WARS2: variants seen among roughly 807,000 people sequenced by gnomAD.
WARS2 encodes the protein tryptophanyl tRNA synthetase 2, mitochondrial.
WARS2 carries 28 observed loss-of-function variants against 36.5 expected under a neutral mutation model. The ratio of observed to expected loss-of-function variants is 0.77; its 90% CI spans 0.57 to 1.05. The LOEUF is 1.05. Among genes scored for constraint, WARS2 ranks in the 50% least tolerant of loss-of-function variants. WARS2 has a pLI of 0.00. For missense variants in WARS2, 435 were observed against 456.8 expected, an observed-to-expected ratio of 0.95 and a Z score of 0.44; for synonymous variants, 174 against 178.4, an observed-to-expected ratio of 0.98 and a Z score of 0.20.
chr1:119,105,783 C>T (rs982508414), intron 1 of WARS2, among the ~76,000 whole-genome samples: 9 of 152,014 alleles, frequency 5.9e-5, no homozygotes, highest in African/African-American at 1.5e-4. Flanking sequence ...TGGTAATGCG[C>T]GCTTGTAATC....
intron 1 of WARS2, chr1:119,126,612 G>C: frequency 1.5e-6 from 1 of 683,938 alleles, no homozygotes; most frequent in South Asian, 1.4e-5. Flanking sequence ...GTCCCCAGTG[G>C]CTTTTCCAAA....
chr1:119,083,716 G>A (rs759874088), intron 1 of WARS2, among the ~76,000 whole-genome samples: 14 of 152,146 alleles, frequency 9.2e-5, no homozygotes, highest in African/African-American at 3.1e-4. Flanking sequence ...AAGGTTATAC[G>A]TAAGTAAAGA....
intron 1 of WARS2, chr1:119,085,187 T>C (rs1431148259): frequency 1.2e-6 from 1 of 810,534 alleles, no homozygotes; most frequent in Non-Finnish European, 2.2e-6. Flanking sequence ...TCTTTTCTTC[T>C]CTTGCCTCCC....
chr1:119,050,295 C>T (rs1230508709), intron 2 of WARS2, among the ~76,000 whole-genome samples: 1 of 152,186 alleles, frequency 6.6e-6, no homozygotes, highest in Non-Finnish European at 1.5e-5. Flanking sequence ...TATCATCTTA[C>T]CAAGGAGGCT....
intron 1 of WARS2, among the ~76,000 whole-genome samples, chr1:119,115,548 G>A (rs182845962): frequency 8.9e-4 from 136 of 152,234 alleles, no homozygotes; most frequent in Middle Eastern, 3.4e-3. Context: ...GTATCCAGAT[G>A]GCAAATGGAA....
chr1:119,052,072 T>C (rs1649413212), intron 2 of WARS2, among the ~76,000 whole-genome samples: 1 of 152,114 alleles, frequency 6.6e-6, no homozygotes, highest in Middle Eastern at 3.2e-3. Context: ...TGCTGTATTT[T>C]TAAAGATTTG....
rs897906035 is a variant in WARS2 at position 119,066,390 on chromosome 1, A to G, written c.348+9960T>C. On this transcript the variant is annotated intron_variant, in intron 2 of 5. Coordinates refer to ENST00000235521, the MANE Select transcript of WARS2 (RefSeq NM_015836.4). ...CTACTCGGGAGGCCGAGGCAGGAGA[A>G]TGGCGTGAACCTGGGAGGCAGAGCT... 2.7e-5 allele frequency among the ~76,000 whole-genome samples: 4 copies of G among 148,898 alleles called. No homozygotes were observed. The South Asian group carries it at 9.2e-4, about 34-fold the overall frequency.
At chr1:119,066,510 A>G (rs1650886772) in intron 2 of WARS2, among the ~76,000 whole-genome samples, 1 of 151,542 alleles carries the variant, frequency 6.6e-6, no homozygotes. Context: ...GACAAGCTAC[A>G]AACTGAAAAA....
chr1:119,121,196 T>C (rs1417510107), intron 1 of WARS2, among the ~76,000 whole-genome samples: 1 of 152,054 alleles, frequency 6.6e-6, no homozygotes, highest in Admixed American at 6.6e-5. Flanking sequence ...TTCTGTAAAG[T>C]TTCAGATACA....
At chr1:119,045,930 T>C (rs950042029) in intron 2 of WARS2, among the ~76,000 whole-genome samples, 1 of 152,152 alleles carries the variant, frequency 6.6e-6, no homozygotes, top group African/African-American at 2.4e-5. Flanking sequence ...ACATCTTCAG[T>C]GAGAAAGTTT....
chr1:119,047,708 T>C (rs1190796231), intron 2 of WARS2, among the ~76,000 whole-genome samples: 5 of 152,190 alleles, frequency 3.3e-5, no homozygotes, highest in East Asian at 1.9e-4. Context: ...GGTTCAGAGT[T>C]CCACTTGGGA....
chr1:119,132,664 T>C (rs1033887491), intron 1 of WARS2, among the ~76,000 whole-genome samples: 11 of 152,134 alleles, frequency 7.2e-5, no homozygotes, highest in African/African-American at 2.4e-4. Context: ...GCTTTATTCA[T>C]ATAATAAAGT....
At chr1:119,033,570 A>G (rs139438517) in intron 5 of WARS2, among the ~76,000 whole-genome samples, 73 of 152,356 alleles carry the variant, frequency 4.8e-4, no homozygotes, top group South Asian at 1.4e-3. Flanking sequence ...ATAGTATTCA[A>G]TAAATTACAT....
rs533319966 is a variant in WARS2, at chr1:119,045,484, G to C, written c.429+98C>G. On this transcript the variant is annotated intron_variant, in intron 3 of 5. Transcript: ENST00000235521. Reference sequence around the variant, plus strand: ...ATGATGTTCCAACCATTAGTGAGTGGCAGACCAGGGAGGAGAGTAAACTCA... The same window carrying C: ...ATGATGTTCCAACCATTAGTGAGTGCCAGACCAGGGAGGAGAGTAAACTCA... The C allele has an allele frequency of 9.5e-5, 94 of 990,276 alleles. No individual in the cohort carries two copies. In the African/African-American group the frequency reaches 1.5e-3, roughly 16 times the overall value. The allele number at this position is 990,276 out of a possible 1,614,324, so 61.3% of individuals were successfully genotyped here.
intron 2 of WARS2, among the ~76,000 whole-genome samples, chr1:119,052,788 T>C (rs952085173): frequency 6.6e-6 from 1 of 152,208 alleles, no homozygotes; most frequent in African/African-American, 2.4e-5. Context: ...CTCTTTCACA[T>C]GACATATTGG....
chr1:119,100,756 G>A (rs962156407), intron 1 of WARS2, among the ~76,000 whole-genome samples: 11 of 152,136 alleles, frequency 7.2e-5, no homozygotes, highest in Admixed American at 1.3e-4. Context: ...GACCTCCCAA[G>A]CTCAAGTGAT....
intron 4 of WARS2, among the ~76,000 whole-genome samples, chr1:119,041,540 C>T (rs1648368210): frequency 6.6e-6 from 1 of 152,222 alleles, no homozygotes; most frequent in African/African-American, 2.4e-5. Flanking sequence ...ACCTGTAGGT[C>T]TAATACAGTG....
At chr1:119,046,086 T>C (rs573674385) in intron 2 of WARS2, among the ~76,000 whole-genome samples, 17 of 152,184 alleles carry the variant, frequency 1.1e-4, no homozygotes, top group African/African-American at 3.9e-4. Context: ...AACTTCTAAA[T>C]ACATCAAAGC....
intron 2 of WARS2, among the ~76,000 whole-genome samples, chr1:119,065,785 C>G (rs1183910568): frequency 6.6e-6 from 1 of 151,960 alleles, no homozygotes; most frequent in East Asian, 1.9e-4. Context: ...GGAAAACAAC[C>G]CACAGATGGT....
Sources: allele counts gnomAD v4.1 joint callset (sites outside exome capture counted in the v4.1 genomes callset), GRCh38; gene constraint gnomAD v4.1.1; transcripts MANE v1.5; gene names NCBI Gene and HGNC (gene_info 2026-07-23, HGNC 2026-07-21).